DPY19L4: variants seen among roughly 807,000 people sequenced by gnomAD.
The protein encoded by DPY19L4 is probable C-mannosyltransferase DPY19L4.
DPY19L4 carries 97 observed loss-of-function variants against 102.8 expected under a neutral mutation model. The ratio of observed to expected loss-of-function variants is 0.94; its 90% confidence interval spans 0.80 to 1.12. The LOEUF (loss-of-function observed/expected upper bound fraction) is 1.12, where lower values mean the gene tolerates loss of function less well. Among genes scored for constraint, DPY19L4 ranks in the 50% most tolerant of loss-of-function variants. The pLI is 0.00. For missense variants in DPY19L4, 815 were observed against 850.4 expected, an observed-to-expected ratio of 0.96 and a Z score of 0.52; for synonymous variants, 252 against 283.1, an observed-to-expected ratio of 0.89 and a Z score of 1.10.
At position 94,780,338 on chromosome 8, in the gene DPY19L4, CT is replaced by C. The variant is rs1813373702; in HGVS notation, c.1576-16del. On this transcript the variant is annotated intron_variant, in intron 14 of 18. Coordinates refer to ENST00000414645, the MANE Select transcript of DPY19L4 (RefSeq NM_181787.3). ...TTCTGAAATGTATTTATTTGTAATC[CT>C]TTTTGCTTTAATATTTTAGGCTCTT... The C allele has an allele frequency of 6.9e-7, 1 of 1,447,344 alleles. No homozygotes were observed. The highest frequency in any genetic ancestry group is 9.2e-7 in the Non-Finnish European group (1 of 1,081,764). The allele number at this position is 1,447,344 out of a possible 1,614,324, so 89.7% of individuals were successfully genotyped here.
intron 7 of DPY19L4, among the ~76,000 whole-genome samples, chr8:94,759,465 T>A (rs995510518): frequency 6.6e-6 from 1 of 151,636 alleles, no homozygotes; most frequent in Non-Finnish European, 1.5e-5. Flanking sequence ...GCGCTGAGAT[T>A]ACTGGTGTGA....
Position 94,792,248 on chromosome 8 carries a change from T to C in DPY19L4, c.*2338T>C, listed in dbSNP as rs891942031. 1.8e-4 allele frequency: 27 copies of C among 152,018 alleles called. No individual in the cohort carries two copies. The highest frequency in any genetic ancestry group is 5.3e-4 in the African/African-American group (22 of 41,412). 9.4% of individuals were successfully genotyped at this position (152,018 alleles called of 1,614,324 possible). The stretch of plus-strand genomic sequence containing the variant: ...TTATTATTATTATTTTTTATTTTTT[T>C]GAGATGGAGTTTCACTCTTGTCTCC... On this transcript the variant is annotated 3_prime_UTR_variant, in exon 19 of 19. Coordinates refer to ENST00000414645, the MANE Select transcript of DPY19L4 (RefSeq NM_181787.3).
At chr8:94,762,232 G>A (rs1385461239) in intron 8 of DPY19L4, among the ~76,000 whole-genome samples, 3 of 152,204 alleles carry the variant, frequency 2.0e-5, no homozygotes, top group Admixed American at 2.0e-4. Context: ...TGAGGATGTG[G>A]CTATGGCTGG....
chr8:94,781,639 G>T (rs1193071794), intron 16 of DPY19L4, among the ~76,000 whole-genome samples: 5 of 152,266 alleles, frequency 3.3e-5, no homozygotes, highest in Admixed American at 2.6e-4. Flanking sequence ...ACCCTCAAAA[G>T]GCTACACTGG....
intron 6 of DPY19L4, chr8:94,744,292 T>A: frequency 2.2e-6 from 1 of 453,726 alleles, no homozygotes; most frequent in South Asian, 1.6e-5. Flanking sequence ...AGTACCTTAC[T>A]GGCTTTTGGC....
chr8:94,769,727 C>A (rs1397682518), intron 12 of DPY19L4, among the ~76,000 whole-genome samples: 1 of 151,642 alleles, frequency 6.6e-6, no homozygotes, highest in East Asian at 1.9e-4. Context: ...GTTTGACTAA[C>A]CTTTGATGTT....
intron 3 of DPY19L4, among the ~76,000 whole-genome samples, chr8:94,735,175 A>G (rs1388232933): frequency 6.6e-6 from 1 of 152,176 alleles, no homozygotes; most frequent in Non-Finnish European, 1.5e-5. Flanking sequence ...TTTGTCTCAT[A>G]TTACTGTGTT....
Position 94,738,478 on chromosome 8 carries a change from T to TTAAAA in DPY19L4, c.343+19_343+20insTAAAA. 7.2e-7 allele frequency: 1 copy of TTAAAA among 1,398,134 alleles called. No homozygotes were observed. Among genetic ancestry groups the TTAAAA allele is most frequent in the Non-Finnish European group, 9.7e-7 (1 of 1,032,644 alleles). 86.6% of individuals were successfully genotyped at this position (1,398,134 alleles called of 1,614,324 possible). ...GAAAGAGGTATGATAATCACAGTTA[T>TTAAAA]ATTTTTAATAACAGTATTTTCCTTT... On this transcript the variant is annotated intron_variant, in intron 4 of 18. Coordinates refer to ENST00000414645, the MANE Select transcript of DPY19L4 (RefSeq NM_181787.3).
At chr8:94,724,045 C>T (rs1026252135) in intron 1 of DPY19L4, among the ~76,000 whole-genome samples, 1 of 151,940 alleles carries the variant, frequency 6.6e-6, no homozygotes, top group Non-Finnish European at 1.5e-5. Context: ...TCCTGTAAAG[C>T]GATTTATTTG....
At chr8:94,723,821 A>G (rs2130779931) in intron 1 of DPY19L4, among the ~76,000 whole-genome samples, 1 of 152,252 alleles carries the variant, frequency 6.6e-6, no homozygotes, top group Non-Finnish European at 1.5e-5. Context: ...AACGTATGGC[A>G]TCTTAGAATC....
chr8:94,789,697 C>T (rs1465954119), intron 18 of DPY19L4, 49 bp from the exon 19 acceptor site: 1 of 1,461,772 alleles, frequency 6.8e-7, no homozygotes, highest in South Asian at 1.3e-5. Flanking sequence ...TGCATTTCTG[C>T]TATAAGCTTA....
chr8:94,775,061 G>C (rs1204780661), intron 13 of DPY19L4, among the ~76,000 whole-genome samples: 2 of 152,128 alleles, frequency 1.3e-5, no homozygotes, highest in East Asian at 3.8e-4. Context: ...GTGGATACAA[G>C]GGGTCTTCAA....
At chr8:94,737,393 C>G (rs1459759161) in intron 3 of DPY19L4, among the ~76,000 whole-genome samples, 1 of 151,752 alleles carries the variant, frequency 6.6e-6, no homozygotes, top group African/African-American at 2.4e-5. Flanking sequence ...CCAGGCTGGT[C>G]TCAAACTCCT....
At chr8:94,750,591 A>G (rs1811874982) in intron 6 of DPY19L4, among the ~76,000 whole-genome samples, 1 of 151,566 alleles carries the variant, frequency 6.6e-6, no homozygotes, top group African/African-American at 2.4e-5. Context: ...ATATATGCAA[A>G]CCTATCTTCT....
intron 13 of DPY19L4, among the ~76,000 whole-genome samples, chr8:94,773,218 A>G (rs1813009221): frequency 6.6e-6 from 1 of 151,474 alleles, no homozygotes; most frequent in Admixed American, 6.6e-5. Flanking sequence ...CGTATCAAAA[A>G]AAAAAAAAAA....
chr8:94,723,843 ATAT>A (rs1421136002), intron 1 of DPY19L4, among the ~76,000 whole-genome samples: 1 of 152,120 alleles, frequency 6.6e-6, no homozygotes, highest in Non-Finnish European at 1.5e-5. Flanking sequence ...GGAAAATATA[ATAT>A]TATAGATCTT....
At chr8:94,738,515 T>TG in intron 4 of DPY19L4, 56 bp downstream of exon 4, 1 of 1,131,688 alleles carries the variant, frequency 8.8e-7, no homozygotes, top group Non-Finnish European at 1.2e-6. Context: ...TCTTTTCTTT[T>TG]CTTTTTTTTT....
intron 7 of DPY19L4, among the ~76,000 whole-genome samples, chr8:94,761,044 G>C (rs1412982840): frequency 1.3e-5 from 2 of 152,222 alleles, no homozygotes; most frequent in African/African-American, 2.4e-5. Flanking sequence ...GATGTAAGCA[G>C]ACTATTTAAA....
intron 6 of DPY19L4, among the ~76,000 whole-genome samples, chr8:94,751,999 T>G (rs1478963275): frequency 6.6e-6 from 1 of 152,184 alleles, no homozygotes; most frequent in Non-Finnish European, 1.5e-5. Flanking sequence ...GTGCATTTAT[T>G]CAGATACTGA....
Sources: allele counts gnomAD v4.1 joint callset (sites outside exome capture counted in the v4.1 genomes callset), GRCh38; gene constraint gnomAD v4.1.1; transcripts MANE v1.5; gene names NCBI Gene and HGNC (gene_info 2026-07-23, HGNC 2026-07-21).